The following PHYHIPL variants were observed in gnomAD, a reference collection of about 807,000 sequenced individuals.
PHYHIPL encodes phytanoyl-CoA hydroxylase-interacting protein-like.
A neutral mutation model predicts 33.4 loss-of-function variants in PHYHIPL; 9 were observed. The observed-to-expected ratio is 0.27, with a 90% CI of 0.16 to 0.47. PHYHIPL has a LOEUF of 0.47. PHYHIPL is among the 20% of genes least tolerant of loss of function. The probability of loss-of-function intolerance (pLI) is 0.99; values close to 1 mark genes in which losing one functional copy is unlikely to be tolerated. For missense variants in PHYHIPL, 365 were observed against 460.7 expected, an observed-to-expected ratio of 0.79 and a Z score of 1.90; for synonymous variants, 153 against 154.1, an observed-to-expected ratio of 0.99 and a Z score of 0.05.
chr10:59,197,132 G>A (rs1318567581), intron 1 of PHYHIPL, among the ~76,000 whole-genome samples: 1 of 152,122 alleles, frequency 6.6e-6, no homozygotes, highest in Non-Finnish European at 1.5e-5. Flanking sequence ...ATCCTCCCCA[G>A]TTTCTCAGGC....
chr10:59,179,488 T>C (rs1838341410), intron 1 of PHYHIPL, among the ~76,000 whole-genome samples: 1 of 151,898 alleles, frequency 6.6e-6, no homozygotes, highest in Non-Finnish European at 1.5e-5. Context: ...AATTTGGTGA[T>C]GAAAAAAAAT....
chr10:59,183,197 G>A (rs1161862557), intron 1 of PHYHIPL, among the ~76,000 whole-genome samples: 2 of 151,682 alleles, frequency 1.3e-5, no homozygotes, highest in Non-Finnish European at 2.9e-5. Context: ...TGATAATACT[G>A]TGAGAATCAG....
intron 1 of PHYHIPL, among the ~76,000 whole-genome samples, chr10:59,188,312 TG>T (rs1237139298): frequency 1.3e-5 from 2 of 152,228 alleles, no homozygotes; most frequent in Non-Finnish European, 2.9e-5. Context: ...CTAGTTTGAT[TG>T]CACTGTGGTC....
chr10:59,191,561 A>G (rs994316304), intron 1 of PHYHIPL, among the ~76,000 whole-genome samples: 3 of 152,002 alleles, frequency 2.0e-5, no homozygotes, highest in African/African-American at 7.2e-5. Flanking sequence ...TAAAAAACCC[A>G]ATGAAAAGTT....
chr10:59,239,678 T>A (rs1481954040), intron 4 of PHYHIPL, among the ~76,000 whole-genome samples: 1 of 152,018 alleles, frequency 6.6e-6, no homozygotes, highest in Non-Finnish European at 1.5e-5. Flanking sequence ...TGCAGGTAGT[T>A]TTTATATTTA....
At chr10:59,236,458 T>G (rs1023617641) in intron 2 of PHYHIPL, 25 bp from the exon 3 acceptor site, 2 of 1,447,066 alleles carry the variant, frequency 1.4e-6, no homozygotes, top group African/African-American at 2.9e-5. Flanking sequence ...CATTTTTCTC[T>G]CTCTCTTCCT....
chr10:59,194,946 A>G (rs182377548), intron 1 of PHYHIPL, among the ~76,000 whole-genome samples: 143 of 152,262 alleles, frequency 9.4e-4, no homozygotes, highest in African/African-American at 3.2e-3. Flanking sequence ...ATTTCTGTCA[A>G]TGTTTCTTTA....
chr10:59,175,861 T>A (rs1449153226), upstream of PHYHIPL, among the ~76,000 whole-genome samples: 1 of 152,240 alleles, frequency 6.6e-6, no homozygotes, highest in Non-Finnish European at 1.5e-5. Flanking sequence ...ACTTATTTGC[T>A]ACGCGCATGA....
rs572274241 is a variant in PHYHIPL, at chr10:59,211,543, A to AT, written c.107-22757dup. Among the ~76,000 whole-genome samples the AT allele has an allele frequency of 2.2e-3, 333 of 151,496 alleles. 2 individuals carry two copies. Among genetic ancestry groups the AT allele is most frequent in the African/African-American group, 7.7e-3 (316 of 41,276 alleles). ...AGGTGCATGCCACCACAGCCAGCTAATTTTGTGCTTTTAGTAGAGATGGGG... is the reference window on the plus strand; with the variant it reads ...AGGTGCATGCCACCACAGCCAGCTAATTTTTGTGCTTTTAGTAGAGATGGGG... On this transcript the variant is annotated intron_variant, in intron 1 of 4. Coordinates refer to ENST00000373880, the MANE Select transcript of PHYHIPL (RefSeq NM_032439.4).
rs180792077 is a variant in PHYHIPL, at chr10:59,183,005, T to C, written c.106+6046T>C. 2.0e-4 allele frequency among the ~76,000 whole-genome samples: 30 copies of C among 152,352 alleles called. 1 individual carries two copies. The highest frequency in any genetic ancestry group is 9.6e-4 in the East Asian group (5 of 5,188). ...TTAGGAGCTGGTGAATATCCAAATA[T>C]GTCCTAAGCACTTTTCTAGAGGCAT... is the stretch of plus-strand genomic sequence containing the variant. On this transcript the variant is annotated intron_variant, in intron 1 of 4. Coordinates refer to ENST00000373880, the MANE Select transcript of PHYHIPL (RefSeq NM_032439.4).
At chr10:59,245,009 G>T (rs1840603664) in intron 4 of PHYHIPL, 48 bp from the exon 5 acceptor site, 1 of 1,534,562 alleles carries the variant, frequency 6.5e-7, no homozygotes, top group African/African-American at 1.4e-5. Context: ...TAAATCAGTG[G>T]GTTTACCACT....
At position 59,246,770 on chromosome 10, in the gene PHYHIPL, T is replaced by A. The variant is rs1362177735; in HGVS notation, c.*1179T>A. ...GTTGGAACATTAAGAAAAATGTATA[T>A]TCCCAATGAAAAAATAGTTATATCA... is the stretch of plus-strand genomic sequence containing the variant. On this transcript the variant is annotated 3_prime_UTR_variant, in exon 5 of 5. Coordinates refer to ENST00000373880, the MANE Select transcript of PHYHIPL (RefSeq NM_032439.4). 2.5e-6 allele frequency: 1 copy of A among 395,326 alleles called. No individual in the cohort carries two copies. The highest frequency in any genetic ancestry group is 3.6e-5 in the East Asian group (1 of 27,816). 24.5% of individuals were successfully genotyped at this position (395,326 alleles called of 1,614,324 possible). A position where few individuals can be genotyped will look rare whatever the true frequency, so the allele number is the denominator to read the frequency against.
At chr10:59,236,815 A>G (rs1840241433) in intron 3 of PHYHIPL, among the ~76,000 whole-genome samples, 158 bp downstream of exon 3, 1 of 151,944 alleles carries the variant, frequency 6.6e-6, no homozygotes, top group East Asian at 1.9e-4. Context: ...ACAATGTTGT[A>G]TTGATTGGAG....
In PHYHIPL at chr10:59,176,859, G is replaced by A. The variant is rs746439582; in HGVS notation, c.6G>A (p.Glu2=). M[E]VPRLDHALNS... ...CTTCAGAGTGGGTTGGAAAAATGGAGGTGCCGCGCCTGGATCATGCCCTCA... is the reference window on the plus strand; with the variant it reads ...CTTCAGAGTGGGTTGGAAAAATGGAAGTGCCGCGCCTGGATCATGCCCTCA... Residue 2 remains glutamate (E), a synonymous_variant, in exon 1 of 5, where the codon GAG becomes GAA. Coordinates refer to ENST00000373880, the MANE Select transcript of PHYHIPL (RefSeq NM_032439.4). 1 of 1,612,164 alleles carries A rather than the reference G, an allele frequency of 6.2e-7. No homozygotes were observed.
chr10:59,201,449 A>G (rs1483128706), intron 1 of PHYHIPL, among the ~76,000 whole-genome samples: 2 of 152,144 alleles, frequency 1.3e-5, no homozygotes, highest in Non-Finnish European at 2.9e-5. Flanking sequence ...CTGTTATTTT[A>G]CATTTGCTGA....
At chr10:59,221,802 T>C (rs1589284991) in intron 1 of PHYHIPL, 2 of 576,936 alleles carry the variant, frequency 3.5e-6, no homozygotes, top group Non-Finnish European at 4.4e-6. Flanking sequence ...CTTTCAGATA[T>C]TAGTGTCTTG....
chr10:59,223,753 C>T (rs573770271), intron 1 of PHYHIPL, among the ~76,000 whole-genome samples: 2 of 152,132 alleles, frequency 1.3e-5, no homozygotes, highest in African/African-American at 2.4e-5. Flanking sequence ...TGACCTCCCC[C>T]GGGTCAGGTG....
intron 1 of PHYHIPL, among the ~76,000 whole-genome samples, chr10:59,179,842 TACAC>T (rs147836305): frequency 0.16 from 21,450 of 134,590 alleles, 1,827 homozygotes; most frequent in East Asian, 0.44. Context: ...GCAAGACAGT[TACAC>T]ACACACACAC....
chr10:59,218,524 T>C (rs1003067239), intron 1 of PHYHIPL, among the ~76,000 whole-genome samples: 1 of 152,136 alleles, frequency 6.6e-6, no homozygotes, highest in Non-Finnish European at 1.5e-5. Context: ...CCTTTACATG[T>C]ACTGATAGAG....
Sources: allele counts gnomAD v4.1 joint callset (sites outside exome capture counted in the v4.1 genomes callset), GRCh38; gene constraint gnomAD v4.1.1; transcripts MANE v1.5; gene names NCBI Gene and HGNC (gene_info 2026-07-23, HGNC 2026-07-21).